Variants in MICAL3 observed in about 807,000 individuals in gnomAD.
The protein encoded by MICAL3 is [F-actin]-monooxygenase MICAL3.
In MICAL3, 62 loss-of-function variants were observed where a neutral mutation model predicts 207.4. The observed-to-expected ratio is 0.30, with a 90% CI of 0.24 to 0.37. MICAL3 has a LOEUF of 0.37. MICAL3 is among the 10% of genes least tolerant of loss of function. MICAL3 has a pLI of 1.00. For missense variants in MICAL3, 2,368 were observed against 2,635.6 expected (o/e 0.90, Z 2.22); for synonymous variants, 1,077 against 1,069.3 (o/e 1.01, Z -0.14).
chr22:17,966,892 G>A (rs1007957320), intron 1 of MICAL3, among the ~76,000 whole-genome samples: 17 of 152,208 alleles, frequency 1.1e-4, no homozygotes, highest in Admixed American at 1.1e-3. Flanking sequence ...TTATCTGTAA[G>A]AACTAGACAA....
Position 17,833,940 on chromosome 22 carries a change from C to T in MICAL3, c.2802-1833G>A, listed in dbSNP as rs562626156. On this transcript the variant is annotated intron_variant, in intron 20 of 31. Coordinates refer to ENST00000441493, the MANE Select transcript of MICAL3 (RefSeq NM_015241.3). ...TTCCTTCCTGGACTCACCCTATGTACTTCTTCCCTTGGCTCACTGACATCT... is the reference window on the plus strand; with the variant it reads ...TTCCTTCCTGGACTCACCCTATGTATTTCTTCCCTTGGCTCACTGACATCT... 3.3e-5 allele frequency among the ~76,000 whole-genome samples: 5 copies of T among 152,300 alleles called. No individual in the cohort carries two copies. In the South Asian group the frequency reaches 1.0e-3, roughly 32 times the overall value.
chr22:17,868,473 C>A (rs553438298), intron 17 of MICAL3, among the ~76,000 whole-genome samples: 1 of 152,186 alleles, frequency 6.6e-6, no homozygotes, highest in African/African-American at 2.4e-5. Flanking sequence ...AACAGGAGGC[C>A]GAGTGACCTG....
intron 1 of MICAL3, among the ~76,000 whole-genome samples, chr22:17,987,396 G>A (rs1031916246): frequency 1.3e-5 from 2 of 152,246 alleles, no homozygotes; most frequent in South Asian, 2.1e-4. Flanking sequence ...ACTGGCAGGA[G>A]CTTTGTGAAG....
At position 17,817,546 on chromosome 22, in the gene MICAL3, G is replaced by C; in HGVS notation, c.5115C>G (p.Pro1705=). The C allele has an allele frequency of 6.2e-7, 1 of 1,613,476 alleles. No individual in the cohort carries two copies. The highest frequency in any genetic ancestry group is 8.5e-7 in the Non-Finnish European group (1 of 1,179,802). ...KSKKRSSLFS[P]RRNKKEKKSK... is the part of the protein sequence containing the mutation. The stretch of plus-strand genomic sequence containing the variant: ...ACTTCTTCTCCTTCTTGTTTCTGCG[G>C]GGGGAGAAGAGTGACGACCTCTTCT... The change falls in exon 26 of 32, where the codon CCC becomes CCG. Residue 1705 remains proline, a synonymous_variant. Transcript: ENST00000441493.
At chr22:17,821,377 T>C (rs1601970279) in intron 25 of MICAL3, 50 bp downstream of exon 25, 2 of 1,467,618 alleles carry the variant, frequency 1.4e-6, no homozygotes, top group East Asian at 5.2e-5. Flanking sequence ...ATATGTGTCC[T>C]TGGGGTCCCA....
chr22:17,937,615 A>G (rs1335155633), intron 1 of MICAL3, among the ~76,000 whole-genome samples: 1 of 152,242 alleles, frequency 6.6e-6, no homozygotes, highest in Non-Finnish European at 1.5e-5. Context: ...GTGAGCCAAG[A>G]TCACGCCATT....
chr22:17,929,656 C>T (rs1341443190), intron 1 of MICAL3, among the ~76,000 whole-genome samples: 1 of 150,778 alleles, frequency 6.6e-6, no homozygotes, highest in African/African-American at 2.4e-5. Flanking sequence ...CTACCTCCGC[C>T]TCCCGGGTTC....
intron 16 of MICAL3, among the ~76,000 whole-genome samples, chr22:17,879,581 G>T (rs1020123116): frequency 6.6e-6 from 1 of 152,110 alleles, no homozygotes; most frequent in Non-Finnish European, 1.5e-5. Flanking sequence ...ACACAAGGCC[G>T]ACTTTCTGCA....
chr22:17,810,840 AG>A, intron 27 of MICAL3, 27 bp from the exon 28 acceptor site: 1 of 1,583,192 alleles, frequency 6.3e-7, no homozygotes, highest in Non-Finnish European at 8.7e-7. Flanking sequence ...AAACTTCCTC[AG>A]TCAGGTGCAC....
intron 1 of MICAL3, among the ~76,000 whole-genome samples, chr22:17,922,508 T>C (rs1306856632): frequency 6.6e-6 from 1 of 152,182 alleles, no homozygotes; most frequent in East Asian, 1.9e-4. Context: ...ACAACAGGAC[T>C]GTTGTTTTCT....
chr22:17,835,577 G>A (rs113318432), intron 20 of MICAL3, among the ~76,000 whole-genome samples: 3 of 152,236 alleles, frequency 2.0e-5, no homozygotes, highest in Non-Finnish European at 4.4e-5. Context: ...CAGTGTGGCC[G>A]ACCCTTTGGA....
At chr22:17,802,361 A>G (rs765775692) in intron 29 of MICAL3, among the ~76,000 whole-genome samples, 1 of 152,218 alleles carries the variant, frequency 6.6e-6, no homozygotes, top group Non-Finnish European at 1.5e-5. Flanking sequence ...TTTTTCACAC[A>G]GTGAAATTCA....
At position 17,906,429 on chromosome 22, in the gene MICAL3, G is replaced by C. The variant is rs945789483; in HGVS notation, c.264+120C>G. ...TGGCTCTGGCACAGAACTTGCCATAGAACTTCTTGGCACCCAGACCTTGTA... is the reference window on the plus strand; with the variant it reads ...TGGCTCTGGCACAGAACTTGCCATACAACTTCTTGGCACCCAGACCTTGTA... On this transcript the variant is annotated intron_variant, in intron 2 of 31. Coordinates refer to ENST00000441493, the MANE Select transcript of MICAL3 (RefSeq NM_015241.3). The C allele has an allele frequency of 8.2e-6, 13 of 1,585,898 alleles. No individual in the cohort carries two copies. In the African/African-American group the frequency reaches 1.5e-4, roughly 18 times the overall value.
At chr22:17,879,509 T>C (rs1602133457) in intron 16 of MICAL3, 1 of 837,160 alleles carries the variant, frequency 1.2e-6, no homozygotes, top group Non-Finnish European at 1.9e-6. Context: ...TCAACACATA[T>C]CGCCTTCCCC....
At chr22:18,007,755 C>T (rs1023727121) in intron 1 of MICAL3, among the ~76,000 whole-genome samples, 9 of 151,308 alleles carry the variant, frequency 5.9e-5, no homozygotes, top group African/African-American at 2.2e-4. Flanking sequence ...TGATCGGGAC[C>T]ATCCTGGCTA....
In MICAL3 at chr22:17,810,054, A is replaced by ATTTT. The variant is rs758573402; in HGVS notation, c.5556+645_5556+648dup. 6.3e-4 allele frequency among the ~76,000 whole-genome samples: 61 copies of ATTTT among 97,058 alleles called. 2 individuals are homozygous for ATTTT. The highest frequency in any genetic ancestry group is 2.9e-3 in the African/African-American group (59 of 20,462). The allele number at this position is 97,058 out of a possible 152,430, so 63.7% of individuals were successfully genotyped here. A position where few individuals can be genotyped will look rare whatever the true frequency, so the allele number is the denominator to read the frequency against. On this transcript the variant is annotated intron_variant, in intron 28 of 31. Transcript: ENST00000441493. The stretch of plus-strand genomic sequence containing the variant: ...CAGGGGCCCGCCACTATGCCTGGCT[A>ATTTT]TTTTTTTTTTTTTTTTTTTTTTTTT...
chr22:17,883,610 C>T (rs896309646), intron 16 of MICAL3, among the ~76,000 whole-genome samples: 3 of 152,232 alleles, frequency 2.0e-5, no homozygotes, highest in African/African-American at 4.8e-5. Context: ...GGAAACGCAG[C>T]TGGGGGTCCC....
At chr22:17,960,475 G>A (rs1288774687) in intron 1 of MICAL3, among the ~76,000 whole-genome samples, 3 of 152,210 alleles carry the variant, frequency 2.0e-5, no homozygotes, top group Non-Finnish European at 2.9e-5. Context: ...GTTCTAGTGA[G>A]GGGACAGGTA....
intron 1 of MICAL3, among the ~76,000 whole-genome samples, chr22:17,960,627 G>A (rs1197041397): frequency 6.6e-6 from 1 of 152,156 alleles, no homozygotes; most frequent in East Asian, 1.9e-4. Context: ...GGGGCTCCGG[G>A]AACAGATCCT....
Sources: allele counts gnomAD v4.1 joint callset (sites outside exome capture counted in the v4.1 genomes callset), GRCh38; gene constraint gnomAD v4.1.1; transcripts MANE v1.5; gene names NCBI Gene and HGNC (gene_info 2026-07-23, HGNC 2026-07-21).